The following GTPBP2 variants were observed in gnomAD, a reference collection of about 807,000 sequenced individuals.
GTPBP2 encodes the protein GTP-binding protein 2.
In GTPBP2, 32 loss-of-function variants were observed where a neutral mutation model predicts 63.0. The ratio of observed to expected loss-of-function variants is 0.51; its 90% CI spans 0.38 to 0.68. The LOEUF is 0.68. Among genes scored for constraint, GTPBP2 ranks in the 30% least tolerant of loss-of-function variants. The pLI is 0.00. For synonymous variants in GTPBP2, 310 were observed against 322.6 expected (o/e 0.96, Z 0.42); for missense variants, 492 against 796.9 (o/e 0.62, Z 4.61).
rs1769604932 is a variant in GTPBP2 at position 43,628,502 on chromosome 6, G to A, written c.186+475C>T. The A allele has an allele frequency of 6.9e-6, 6 of 863,720 alleles. No individual in the cohort carries two copies. The South Asian group carries it at 2.1e-4, about 30-fold the overall frequency. The allele number at this position is 863,720 out of a possible 1,614,324, so 53.5% of individuals were successfully genotyped here. On this transcript the variant is annotated intron_variant, in intron 1 of 11. Transcript: ENST00000307126. ...TGTGTGTGTGTGTGTGTGTGTGTGT[G>A]TGTAGTGAACATACTGCTCTTTTCC...
rs1178376673 is a variant in GTPBP2, at chr6:43,624,140, T to C, written c.1101-72A>G. 7.2e-7 allele frequency: 1 copy of C among 1,397,638 alleles called. No homozygotes were observed. Among genetic ancestry groups the C allele is most frequent in the African/African-American group, 1.4e-5 (1 of 69,994 alleles). 86.6% of individuals were successfully genotyped at this position (1,397,638 alleles called of 1,614,324 possible). A position where few individuals can be genotyped will look rare whatever the true frequency, so the allele number is the denominator to read the frequency against. ...GAGGCAGAGGCCAGAGCCCCATACATGGAAAGGTGAGCTTTGTTCTGGCTG... is the reference window on the plus strand; with the variant it reads ...GAGGCAGAGGCCAGAGCCCCATACACGGAAAGGTGAGCTTTGTTCTGGCTG... On this transcript the variant is annotated intron_variant, in intron 7 of 11. Transcript: ENST00000307126. This position sits in a 1 kb window ranked among gnomAD's most constrained non-coding sequence, Gnocchi z 5.1.
chr6:43,628,473 T>C, intron 1 of GTPBP2: 1 of 358,336 alleles, frequency 2.8e-6, no homozygotes, highest in Non-Finnish European at 3.4e-6. Context: ...GCTTAGGCTG[T>C]GTGTGTGTGT....
At position 43,622,511 on chromosome 6, in the gene GTPBP2, TG is replaced by T; in HGVS notation, c.1467+121del. 2.1e-6 allele frequency: 2 copies of T among 937,010 alleles called. No individual in the cohort carries two copies. Among genetic ancestry groups the T allele is most frequent in the South Asian group, 3.2e-5 (2 of 62,366 alleles). The allele number at this position is 937,010 out of a possible 1,614,324, so 58.0% of individuals were successfully genotyped here. A position where few individuals can be genotyped will look rare whatever the true frequency, so the allele number is the denominator to read the frequency against. On this transcript the variant is annotated intron_variant, in intron 10 of 11. Transcript: ENST00000307126. This position sits in a 1 kb window ranked among gnomAD's most constrained non-coding sequence, Gnocchi z 5.4. ...CTACGTAGCTAGACCAGAAGCTTCT[TG>T]GGTCAGAGAGTGTGTTTCCTCTGAG...
rs1324093681 is a variant in GTPBP2 at position 43,626,129 on chromosome 6, A to G, written c.398+97T>C. On this transcript the variant is annotated intron_variant, in intron 3 of 11. Coordinates refer to ENST00000307126, the MANE Select transcript of GTPBP2 (RefSeq NM_019096.5). This position sits in a 1 kb window ranked among gnomAD's most constrained non-coding sequence, Gnocchi z 4.0. ...ACTTCAGCCCTTTGTCAAGAGAAGGAAAGTCCCACCTTGGCCCCTCAGGCC... is the reference window on the plus strand; with the variant it reads ...ACTTCAGCCCTTTGTCAAGAGAAGGGAAGTCCCACCTTGGCCCCTCAGGCC... The G allele has an allele frequency of 4.3e-6, 5 of 1,166,998 alleles. No homozygotes were observed. 72.3% of individuals were successfully genotyped at this position (1,166,998 alleles called of 1,614,324 possible).
At position 43,628,074 on chromosome 6, in the gene GTPBP2, A is replaced by C. The variant is rs1769526897; in HGVS notation, c.186+903T>G. On this transcript the variant is annotated intron_variant, in intron 1 of 11. Transcript: ENST00000307126. ...ATCCTCACTAGTAAGAAAGAATCAG[A>C]AATTCTAGGCTGGGCACGGAGGCTC... Among the ~76,000 whole-genome samples the C allele has an allele frequency of 2.0e-5, 3 of 152,284 alleles. 1 individual carries two copies. The South Asian group carries it at 6.2e-4, about 32-fold the overall frequency.
At position 43,623,663 on chromosome 6, in the gene GTPBP2, C is replaced by T; in HGVS notation, c.1295+74G>A. 8.1e-6 allele frequency: 9 copies of T among 1,109,648 alleles called. No individual in the cohort carries two copies. In the Admixed American group the frequency reaches 1.5e-4, roughly 19 times the overall value. The allele number at this position is 1,109,648 out of a possible 1,614,324, so 68.7% of individuals were successfully genotyped here. A position where few individuals can be genotyped will look rare whatever the true frequency, so the allele number is the denominator to read the frequency against. On this transcript the variant is annotated intron_variant, in intron 9 of 11. Transcript: ENST00000307126. ...GGGTTCCGTTCAATTCCAGGGTCTC[C>T]TCCTTTGGGCCAGGATGTCTTTGAG...
At chr6:43,628,450 T>G (rs930317619) in intron 1 of GTPBP2, 14 of 628,714 alleles carry the variant, frequency 2.2e-5, no homozygotes, top group Non-Finnish European at 2.8e-5. Flanking sequence ...ATGCCAAAGT[T>G]TGATAACCAC....
In GTPBP2 at chr6:43,626,431, A is replaced by T; in HGVS notation, c.214-21T>A. 6.2e-7 allele frequency: 1 copy of T among 1,606,518 alleles called. No individual in the cohort carries two copies. Among genetic ancestry groups the T allele is most frequent in the Non-Finnish European group, 8.5e-7 (1 of 1,173,400 alleles). On this transcript the variant is annotated intron_variant, in intron 2 of 11. Coordinates refer to ENST00000307126, the MANE Select transcript of GTPBP2 (RefSeq NM_019096.5). This position sits in a 1 kb window ranked among gnomAD's most constrained non-coding sequence, Gnocchi z 4.0. Reference sequence around the variant, plus strand: ...TTCAACTTAGGGCAAGTGGGGTATCATAAGGTGAAATCAGAGGTGTTCCTC... The same window carrying T: ...TTCAACTTAGGGCAAGTGGGGTATCTTAAGGTGAAATCAGAGGTGTTCCTC...
At position 43,622,902 on chromosome 6, in the gene GTPBP2, A is replaced by T; in HGVS notation, c.1296-98T>A. ...GAGCATTCCTTCCCTTCTAGGGTTGAGTCCCTCAAGTGGGGAAGAACCCTA... is the reference window on the plus strand; with the variant it reads ...GAGCATTCCTTCCCTTCTAGGGTTGTGTCCCTCAAGTGGGGAAGAACCCTA... On this transcript the variant is annotated intron_variant, in intron 9 of 11. Coordinates refer to ENST00000307126, the MANE Select transcript of GTPBP2 (RefSeq NM_019096.5). The surrounding 1 kb of genome is among the most constrained non-coding windows in gnomAD (Gnocchi z 5.4). The T allele has an allele frequency of 1.1e-6, 1 of 941,502 alleles. No homozygotes were observed. Among genetic ancestry groups the T allele is most frequent in the Non-Finnish European group, 1.6e-6 (1 of 632,852 alleles). The allele number at this position is 941,502 out of a possible 1,614,324, so 58.3% of individuals were successfully genotyped here. A position where few individuals can be genotyped will look rare whatever the true frequency, so the allele number is the denominator to read the frequency against.
At chr6:43,627,072 GC>G in intron 1 of GTPBP2, 124 bp from the exon 2 acceptor site, 2 of 853,044 alleles carry the variant, frequency 2.3e-6, no homozygotes, top group African/African-American at 1.7e-5. Context: ...ACTTGGTTAG[GC>G]AAGTGCCTGT....
rs1437452184 is a variant in GTPBP2 at position 43,622,873 on chromosome 6, C to G, written c.1296-69G>C. 22 of 1,235,030 alleles carry G rather than the reference C, an allele frequency of 1.8e-5. No individual in the cohort carries two copies. Among genetic ancestry groups the G allele is most frequent in the Non-Finnish European group, 2.2e-5 (19 of 873,670 alleles). The allele number at this position is 1,235,030 out of a possible 1,614,324, so 76.5% of individuals were successfully genotyped here. A position where few individuals can be genotyped will look rare whatever the true frequency, so the allele number is the denominator to read the frequency against. On this transcript the variant is annotated intron_variant, in intron 9 of 11. Transcript: ENST00000307126. This position sits in a 1 kb window ranked among gnomAD's most constrained non-coding sequence, Gnocchi z 5.4. The stretch of plus-strand genomic sequence containing the variant: ...CATACCTACTTCTCTATTAGGATCA[C>G]CCAGAGCATTCCTTCCCTTCTAGGG...
In GTPBP2 at chr6:43,625,852, G is replaced by A; in HGVS notation, c.411C>T (p.Asp137=). 6.2e-7 allele frequency: 1 copy of A among 1,613,628 alleles called. No individual in the cohort carries two copies. Among genetic ancestry groups the A allele is most frequent in the Non-Finnish European group, 8.5e-7 (1 of 1,179,560 alleles). ...LHRMAEKVGA[D]ITVLREREVD... ...CTTCTCGCTCTCGAAGAACGGTTAT[G>A]TCTGCCCCAACCCTGTCACAGCAAG... The change falls in exon 4 of 12, where the codon GAC becomes GAT. Residue 137 remains aspartate, a synonymous_variant. Transcript: ENST00000307126. The surrounding 1 kb of genome is among the most constrained non-coding windows in gnomAD (Gnocchi z 5.1).
intron 9 of GTPBP2, chr6:43,623,449 T>G: frequency 2.2e-6 from 1 of 453,874 alleles, no homozygotes; most frequent in Non-Finnish European, 3.9e-6. Flanking sequence ...TTTCCCTGTG[T>G]GAGATGAAGT....
In GTPBP2 at chr6:43,626,297, A is replaced by G. The variant is rs1769338014; in HGVS notation, c.327T>C (p.Asn109=). Residue 109 remains asparagine (N), a synonymous_variant, in exon 3 of 12, where the codon AAT becomes AAC. Transcript: ENST00000307126. The surrounding 1 kb of genome is among the most constrained non-coding windows in gnomAD (Gnocchi z 4.0). The part of the protein sequence containing the change: ...EAVYQIGVED[N]GLLVGLAEEE... ...CCTCAGCCAGCCCCACCAGCAGCCC[A>G]TTGTCCTCTACCCCAATCTGGTAGA... 8 of 1,614,142 alleles carry G rather than the reference A, an allele frequency of 5.0e-6. No homozygotes were observed. The highest frequency in any genetic ancestry group is 1.1e-5 in the South Asian group (1 of 91,084).
At chr6:43,627,380 C>T in intron 1 of GTPBP2, 13 of 983,628 alleles carry the variant, frequency 1.3e-5, no homozygotes, top group Non-Finnish European at 1.5e-5. Flanking sequence ...CTGCCCCTTT[C>T]AGCTGATGTC....
rs746923660 is a variant in GTPBP2, at chr6:43,629,076, C to T, written c.87G>A (p.Gly29=). 1.9e-6 allele frequency: 3 copies of T among 1,599,714 alleles called. No individual in the cohort carries two copies. Among genetic ancestry groups the T allele is most frequent in the South Asian group, 2.2e-5 (2 of 89,394 alleles). The change falls in exon 1 of 12, where the codon GGG becomes GGA. Residue 29 remains glycine, a synonymous_variant. Transcript: ENST00000307126. ...PAVGGTLKAR[G]AGSSSGCGGP... ...CCCCGCAGCCGCTGCTGCTGCCGGCCCCCCTAGCCTTGAGGGTTCCGCCCA... is the reference window on the plus strand; with the variant it reads ...CCCCGCAGCCGCTGCTGCTGCCGGCTCCCCTAGCCTTGAGGGTTCCGCCCA...
rs1230599152 is a variant in GTPBP2, at chr6:43,621,645, G to A, written c.1778C>T (p.Ala593Val). The A allele has an allele frequency of 6.8e-6, 11 of 1,614,100 alleles. No individual in the cohort carries two copies. Among genetic ancestry groups the A allele is most frequent in the Non-Finnish European group, 9.3e-6 (11 of 1,180,040 alleles). ...GHVTDVQAITAGEAQANMGF is the reference protein window; with the variant it reads ...GHVTDVQAITVGEAQANMGF ...GCCCATGTTGGCCTGGGCTTCTCCT[G>A]CTGTAATGGCTTGTACATCAGTGAC... is the stretch of plus-strand genomic sequence containing the variant. Residue 593 changes from alanine (A) to valine (V), a missense_variant, in exon 12 of 12, where the codon GCA (alanine) becomes GTA (valine). Ala to Val is a moderately conservative substitution (Grantham distance 64). Coordinates refer to ENST00000307126, the MANE Select transcript of GTPBP2 (RefSeq NM_019096.5).
chr6:43,624,445 T>A lies in GTPBP2; in HGVS notation c.1100+65A>T. The A allele has an allele frequency of 8.4e-7, 1 of 1,193,438 alleles. No homozygotes were observed. Among genetic ancestry groups the A allele is most frequent in the Non-Finnish European group, 1.2e-6 (1 of 811,392 alleles). 73.9% of individuals were successfully genotyped at this position (1,193,438 alleles called of 1,614,324 possible). ...CCCTGGAGAAGTAGGATATCATGCT[T>A]CTGGGCCCTGGGCTCTGTGGCAGCC... On this transcript the variant is annotated intron_variant, in intron 7 of 11. Transcript: ENST00000307126. This position sits in a 1 kb window ranked among gnomAD's most constrained non-coding sequence, Gnocchi z 5.1.
intron 9 of GTPBP2, chr6:43,623,536 T>C (rs1768999965): frequency 3.4e-6 from 2 of 596,062 alleles, no homozygotes; most frequent in Admixed American, 2.9e-5. Flanking sequence ...GATTCCCCAA[T>C]AGGCAGCAAT....
Sources: gnomAD v4.1 joint callset for allele counts (sites outside exome capture counted in the v4.1 genomes callset) on GRCh38, gnomAD v4.1.1 for gene constraint, Gnocchi (gnomAD v3.1) non-coding constraint, MANE v1.5 for transcripts, NCBI Gene and HGNC (gene_info 2026-07-23, HGNC 2026-07-21) for gene names.